Variants in NDST4 observed in about 807,000 individuals in gnomAD.
NDST4 encodes the protein N-deacetylase and N-sulfotransferase 4.
A neutral mutation model predicts 100.8 loss-of-function variants in NDST4; 63 were observed. The observed-to-expected ratio is 0.62, with a 90% CI of 0.51 to 0.77. The LOEUF is 0.77. NDST4 is among the 30% of genes least tolerant of loss of function. The probability of loss-of-function intolerance (pLI) is 0.00; values close to 1 mark genes in which losing one functional copy is unlikely to be tolerated. For missense variants in NDST4, 943 were observed against 1,018.4 expected, an observed-to-expected ratio of 0.93 and a Z score of 1.01; for synonymous variants, 377 against 361.8, an observed-to-expected ratio of 1.04 and a Z score of -0.48.
intron 2 of NDST4, among the ~76,000 whole-genome samples, chr4:115,046,250 C>T (rs1305840100): frequency 1.3e-5 from 2 of 152,080 alleles, no homozygotes; most frequent in African/African-American, 4.8e-5. Flanking sequence ...TGGCCTGTTC[C>T]CAAGCTCTTC....
chr4:115,085,749 T>C (rs1729397516), intron 1 of NDST4, among the ~76,000 whole-genome samples: 1 of 152,166 alleles, frequency 6.6e-6, no homozygotes. Context: ...TAAACCTCTT[T>C]TCTTTATAAA....
rs372901140 is a variant in NDST4 at position 114,942,803 on chromosome 4, A to G, written c.1222-5300T>C. 2.8e-4 allele frequency among the ~76,000 whole-genome samples: 42 copies of G among 151,872 alleles called. 4 individuals carry two copies. The highest frequency in any genetic ancestry group is 2.0e-3 in the Admixed American group (30 of 15,256). On this transcript the variant is annotated intron_variant, in intron 4 of 13. Coordinates refer to ENST00000264363, the MANE Select transcript of NDST4 (RefSeq NM_022569.3). ...AGAATGATTTTTCTAATGGATTTTA[A>G]ATAACAGTTAATAAGTGTAAACTTC...
At position 114,908,049 on chromosome 4, in the gene NDST4, A is replaced by G. The variant is rs577102022; in HGVS notation, c.1536+27157T>C. On this transcript the variant is annotated intron_variant, in intron 6 of 13. Coordinates refer to ENST00000264363, the MANE Select transcript of NDST4 (RefSeq NM_022569.3). ...AAAATATATCCCTGGTGGCAGTGTT[A>G]AAAGGTGAACAAAGTGAGCAATATT... Among the ~76,000 whole-genome samples, 3 of 152,308 alleles carry G rather than the reference A, an allele frequency of 2.0e-5. No homozygotes were observed. The East Asian group carries it at 5.8e-4, about 29-fold the overall frequency.
At chr4:114,832,461 G>A (rs896980164) in intron 12 of NDST4, among the ~76,000 whole-genome samples, 4 of 152,152 alleles carry the variant, frequency 2.6e-5, no homozygotes, top group Non-Finnish European at 5.9e-5. Context: ...AGGCTTTTAT[G>A]AATAAAGTAC....
At chr4:114,948,790 A>T (rs917123686) in intron 4 of NDST4, among the ~76,000 whole-genome samples, 2 of 152,108 alleles carry the variant, frequency 1.3e-5, no homozygotes, top group East Asian at 3.8e-4. Flanking sequence ...TAAAGTGTCA[A>T]CTACTTTAAA....
At chr4:114,911,706 A>G (rs1237628533) in intron 6 of NDST4, among the ~76,000 whole-genome samples, 1 of 152,164 alleles carries the variant, frequency 6.6e-6, no homozygotes, top group African/African-American at 2.4e-5. Context: ...TATCGCGGGT[A>G]TTGGGTATTT....
At chr4:114,876,361 G>A (rs543306425) in intron 6 of NDST4, among the ~76,000 whole-genome samples, 21 of 152,200 alleles carry the variant, frequency 1.4e-4, no homozygotes, top group African/African-American at 4.3e-4. Flanking sequence ...TGGAATATAG[G>A]GAAATACATC....
At chr4:114,958,458 C>T (rs984028275) in intron 4 of NDST4, among the ~76,000 whole-genome samples, 1 of 152,008 alleles carries the variant, frequency 6.6e-6, no homozygotes, top group Non-Finnish European at 1.5e-5. Flanking sequence ...TAACATGTTC[C>T]ACATCTCCAT....
chr4:115,096,848 A>G (rs1324495728), intron 1 of NDST4, among the ~76,000 whole-genome samples: 2 of 152,106 alleles, frequency 1.3e-5, no homozygotes, highest in Non-Finnish European at 2.9e-5. Context: ...TACTCCAATC[A>G]GGCTTACCAT....
intron 13 of NDST4, among the ~76,000 whole-genome samples, chr4:114,828,202 T>A (rs1723122602): frequency 6.6e-6 from 1 of 152,104 alleles, no homozygotes; most frequent in Non-Finnish European, 1.5e-5. Context: ...ATATGAAGTC[T>A]ACACAGAAAG....
chr4:115,078,505 T>C (rs1729236501), intron 1 of NDST4, among the ~76,000 whole-genome samples: 1 of 152,152 alleles, frequency 6.6e-6, no homozygotes, highest in Admixed American at 6.5e-5. Context: ...ACAACTATGC[T>C]ACATTGTGCC....
intron 6 of NDST4, among the ~76,000 whole-genome samples, chr4:114,873,482 T>C (rs572835497): frequency 1.5e-3 from 223 of 151,996 alleles, no homozygotes; most frequent in African/African-American, 5.0e-3. Flanking sequence ...TATCAACTAA[T>C]ATTTAGGGGT....
intron 6 of NDST4, among the ~76,000 whole-genome samples, chr4:114,887,799 G>A (rs1405877691): frequency 1.3e-5 from 2 of 152,216 alleles, no homozygotes; most frequent in East Asian, 3.9e-4. Context: ...GTAAGCAGGA[G>A]AAGGGGACAT....
chr4:115,101,075 C>A (rs1284759729), intron 1 of NDST4, among the ~76,000 whole-genome samples: 2 of 152,048 alleles, frequency 1.3e-5, no homozygotes, highest in Non-Finnish European at 2.9e-5. Context: ...CAGGCTTTCA[C>A]AGTCATTCAT....
At chr4:115,001,684 A>T (rs536394877) in intron 2 of NDST4, among the ~76,000 whole-genome samples, 2 of 152,196 alleles carry the variant, frequency 1.3e-5, no homozygotes, top group East Asian at 3.9e-4. Context: ...GACTAGAACC[A>T]AATAGGACAT....
At chr4:114,835,281 G>A (rs564054471) in intron 11 of NDST4, among the ~76,000 whole-genome samples, 170 of 152,250 alleles carry the variant, frequency 1.1e-3, no homozygotes, top group African/African-American at 3.8e-3. Context: ...TCTTAAGACT[G>A]CTTTACCTGT....
intron 2 of NDST4, among the ~76,000 whole-genome samples, chr4:115,064,824 C>T (rs1728897961): frequency 6.6e-6 from 1 of 152,004 alleles, no homozygotes; most frequent in Non-Finnish European, 1.5e-5. Flanking sequence ...TTAGTGATTA[C>T]CATTAAAATT....
chr4:115,027,775 C>T (rs550696672), intron 2 of NDST4, among the ~76,000 whole-genome samples: 1 of 152,162 alleles, frequency 6.6e-6, no homozygotes, highest in East Asian at 1.9e-4. Context: ...GTTTCACGGC[C>T]ACGAGCTTTG....
intron 1 of NDST4, among the ~76,000 whole-genome samples, chr4:115,097,781 A>G (rs1729650323): frequency 6.6e-6 from 1 of 152,160 alleles, no homozygotes; most frequent in Non-Finnish European, 1.5e-5. Context: ...AAATTCACAG[A>G]GTGGTCCACA....
Sources: allele counts gnomAD v4.1 joint callset (sites outside exome capture counted in the v4.1 genomes callset), GRCh38; gene constraint gnomAD v4.1.1; transcripts MANE v1.5; gene names NCBI Gene and HGNC (gene_info 2026-07-23, HGNC 2026-07-21).